The following HTR2A variants were observed in gnomAD, a reference collection of about 807,000 sequenced individuals.
The protein encoded by HTR2A is 5-HT2 receptor.
HTR2A carries 14 observed loss-of-function variants against 31.0 expected under a neutral mutation model. That is an observed-to-expected ratio of 0.45 (90% CI 0.30 to 0.71). The LOEUF (loss-of-function observed/expected upper bound fraction) is 0.71. HTR2A is among the 30% of genes least tolerant of loss of function. The probability of loss-of-function intolerance (pLI) is 0.09; values close to 1 mark genes in which losing one functional copy is unlikely to be tolerated. For synonymous variants in HTR2A, 209 were observed against 225.2 expected, an observed-to-expected ratio of 0.93 and a Z score of 0.64; for missense variants, 442 against 573.3, an observed-to-expected ratio of 0.77 and a Z score of 2.34.
intron 3 of HTR2A, among the ~76,000 whole-genome samples, chr13:46,843,496 G>A (rs1950615953): frequency 6.6e-6 from 1 of 152,120 alleles, no homozygotes; most frequent in Non-Finnish European, 1.5e-5. Flanking sequence ...TGGTGCAGCA[G>A]CACAAAGACG....
At chr13:46,877,119 C>A (rs1023059674) in intron 3 of HTR2A, among the ~76,000 whole-genome samples, 3 of 152,096 alleles carry the variant, frequency 2.0e-5, no homozygotes, top group Non-Finnish European at 2.9e-5. Context: ...TATGATGAGA[C>A]CCATGAGGCC....
intron 2 of HTR2A, among the ~76,000 whole-genome samples, chr13:46,894,743 T>C (rs1488103200): frequency 6.6e-6 from 1 of 152,236 alleles, no homozygotes; most frequent in African/African-American, 2.4e-5. Context: ...TTCTGGTCCC[T>C]TGCTGAGAGG....
At chr13:46,893,730 G>C (rs1159912446) in intron 2 of HTR2A, among the ~76,000 whole-genome samples, 1 of 152,222 alleles carries the variant, frequency 6.6e-6, no homozygotes, top group Non-Finnish European at 1.5e-5. Context: ...GGGGGATTAA[G>C]CAGTTATGTA....
At chr13:46,875,014 A>G in intron 3 of HTR2A, among the ~76,000 whole-genome samples, 1 of 152,364 alleles carries the variant, frequency 6.6e-6, no homozygotes, top group East Asian at 1.9e-4. Flanking sequence ...TATCATAGAA[A>G]GATGGATTAA....
intron 3 of HTR2A, among the ~76,000 whole-genome samples, chr13:46,861,045 T>C (rs1950774902): frequency 6.6e-6 from 1 of 152,220 alleles, no homozygotes; most frequent in Non-Finnish European, 1.5e-5. Flanking sequence ...CCAGATGTTT[T>C]TGTTGTAGGC....
At chr13:46,869,800 GAC>G (rs1950850909) in intron 3 of HTR2A, among the ~76,000 whole-genome samples, 1 of 152,090 alleles carries the variant, frequency 6.6e-6, no homozygotes, top group African/African-American at 2.4e-5. Flanking sequence ...AAATAAGCCA[GAC>G]AGAAAGAGAA....
intron 3 of HTR2A, among the ~76,000 whole-genome samples, chr13:46,877,099 G>A (rs1470218407): frequency 6.6e-6 from 1 of 152,150 alleles, no homozygotes; most frequent in Non-Finnish European, 1.5e-5. Context: ...CTCCACTAAT[G>A]AGTAGCTGTT....
At position 46,892,480 on chromosome 13, in the gene HTR2A, C is replaced by G. The variant is rs778682687; in HGVS notation, c.523G>C (p.Val175Leu). Residue 175 changes from valine (V) to leucine (L), a missense_variant, in exon 3 of 4, where the codon GTC (valine) becomes CTC (leucine). Physicochemically the swap from Val to Leu is conservative, Grantham distance 32. Around this residue, in one of 5 missense-constraint regions of HTR2A, gnomAD observed 86 missense variants for 179.1 expected, o/e 0.48. Transcript: ENST00000542664. ...TGGTGGATGGGATTCTGGATGGCGACGTAGCGGTCCAGCGAGATGGCGCAG... is the reference window on the plus strand; with the variant it reads ...TGGTGGATGGGATTCTGGATGGCGAGGTAGCGGTCCAGCGAGATGGCGCAG... ...HLCAISLDRY[V>L]AIQNPIHHSR... 1 of 1,614,114 alleles carries G rather than the reference C, an allele frequency of 6.2e-7. No individual in the cohort carries two copies. Among genetic ancestry groups the G allele is most frequent in the African/African-American group, 1.3e-5 (1 of 74,924 alleles).
At chr13:46,844,764 A>C (rs1950627996) in intron 3 of HTR2A, among the ~76,000 whole-genome samples, 1 of 152,230 alleles carries the variant, frequency 6.6e-6, no homozygotes, top group African/African-American at 2.4e-5. Context: ...AGACTCTGTT[A>C]ATCACTAGCT....
At position 46,835,488 on chromosome 13, in the gene HTR2A, A is replaced by C. The variant is rs753008959; in HGVS notation, c.765T>G (p.Phe255Leu). The C allele has an allele frequency of 6.2e-7, 1 of 1,614,108 alleles. No homozygotes were observed. Among genetic ancestry groups the C allele is most frequent in the Admixed American group, 1.7e-5 (1 of 59,984 alleles). ...CTTTCTGGAGTGACTTGATAGTTAG[A>C]AAGTAGGTGATCACCATGATGGTTA... ...IPLTIMVITY[F>L]LTIKSLQKEA... Residue 255 changes from phenylalanine to leucine, a missense_variant, in exon 4 of 4, where the codon TTT (phenylalanine) becomes TTG (leucine). Physicochemically the swap from Phe to Leu is conservative, Grantham distance 22. This residue lies in a region of HTR2A where 174 missense variants were observed against 195.1 expected (regional missense o/e 0.89). Coordinates refer to ENST00000542664, the MANE Select transcript of HTR2A (RefSeq NM_000621.5).
chr13:46,869,951 C>G (rs997050845), intron 3 of HTR2A, among the ~76,000 whole-genome samples: 1 of 151,672 alleles, frequency 6.6e-6, no homozygotes, highest in Non-Finnish European at 1.5e-5. Flanking sequence ...TTTGTGAAGG[C>G]GAAAAAATTT....
In HTR2A at chr13:46,833,909, C is replaced by G. The variant is rs1324838494; in HGVS notation, c.*928G>C. 6.6e-6 allele frequency: 1 copy of G among 152,192 alleles called. No individual in the cohort carries two copies. Among genetic ancestry groups the G allele is most frequent in the African/African-American group, 2.4e-5 (1 of 41,436 alleles). 9.4% of individuals were successfully genotyped at this position (152,192 alleles called of 1,614,324 possible). A position where few individuals can be genotyped will look rare whatever the true frequency, so the allele number is the denominator to read the frequency against. On this transcript the variant is annotated 3_prime_UTR_variant, in exon 4 of 4. Transcript: ENST00000542664. Reference sequence around the variant, plus strand: ...TCTACCACTGTCAGTAGCCGGAAACCTGAGTTCATCCTCAATCCTGACACA... The same window carrying G: ...TCTACCACTGTCAGTAGCCGGAAACGTGAGTTCATCCTCAATCCTGACACA...
At chr13:46,859,071 C>A (rs1593433685) in intron 3 of HTR2A, among the ~76,000 whole-genome samples, 1 of 152,176 alleles carries the variant, frequency 6.6e-6, no homozygotes, top group Non-Finnish European at 1.5e-5. Context: ...GTTCTGTTTG[C>A]AAAACTACTT....
chr13:46,876,552 A>G lies in HTR2A; in HGVS notation c.613+15838T>C, dbSNP rs185212954. Among the ~76,000 whole-genome samples the G allele has an allele frequency of 8.1e-3, 1,218 of 150,668 alleles. 16 individuals are homozygous for G. Among genetic ancestry groups the G allele is most frequent in the African/African-American group, 0.028 (1,171 of 41,186 alleles). On this transcript the variant is annotated intron_variant, in intron 3 of 3. Transcript: ENST00000542664. The stretch of plus-strand genomic sequence containing the variant: ...AGCCTCCTGAGTAGCTGGGACTACA[A>G]GCGCCTGCCACCACGCCCTACTAAT...
Position 46,896,122 on chromosome 13 carries a change from A to C in HTR2A, c.-216T>G. On this transcript the variant is annotated 5_prime_UTR_variant, in exon 2 of 4. Transcript: ENST00000542664. ...TTTTCTTCATTCACAATTTTAGGAG[A>C]GTCCACTGTTTGGTTTTATTATTTT... 2 of 1,294,442 alleles carry C rather than the reference A, an allele frequency of 1.5e-6. No homozygotes were observed. Among genetic ancestry groups the C allele is most frequent in the Non-Finnish European group, 1.9e-6 (2 of 1,026,248 alleles). 80.2% of individuals were successfully genotyped at this position (1,294,442 alleles called of 1,614,324 possible).
chr13:46,871,875 G>A (rs1950865390), intron 3 of HTR2A, among the ~76,000 whole-genome samples: 1 of 152,188 alleles, frequency 6.6e-6, no homozygotes. Context: ...GAATTATAGA[G>A]CTGGAAAGAA....
At chr13:46,843,877 TA>T (rs1405996063) in intron 3 of HTR2A, among the ~76,000 whole-genome samples, 1 of 152,164 alleles carries the variant, frequency 6.6e-6, no homozygotes, top group Non-Finnish European at 1.5e-5. Flanking sequence ...CACATTATTG[TA>T]CTTTAACTGT....
chr13:46,853,032 A>G (rs551220510), intron 3 of HTR2A, among the ~76,000 whole-genome samples: 31 of 151,376 alleles, frequency 2.0e-4, no homozygotes, highest in East Asian at 1.2e-3. Context: ...TCCTTAATAT[A>G]GTGCATTATT....
At chr13:46,879,364 A>G (rs1299744744) in intron 3 of HTR2A, among the ~76,000 whole-genome samples, 1 of 152,234 alleles carries the variant, frequency 6.6e-6, no homozygotes, top group African/African-American at 2.4e-5. Context: ...TTCGGATTCA[A>G]CTGGAAATGC....
Sources: allele counts gnomAD v4.1 joint callset (sites outside exome capture counted in the v4.1 genomes callset), GRCh38; gene constraint gnomAD v4.1.1; regional missense constraint gnomAD v4.1.1; transcripts MANE v1.5; gene names NCBI Gene and HGNC (gene_info 2026-07-23, HGNC 2026-07-21).